RAB10: variants seen among roughly 807,000 people sequenced by gnomAD.
RAB10 encodes the protein RAB10, member RAS oncogene family, also known as ras-related protein Rab-10.
A neutral mutation model predicts 25.7 loss-of-function variants in RAB10; 5 were observed. The observed-to-expected ratio is 0.19, with a 90% CI of 0.10 to 0.41. The LOEUF is 0.41. Ranked by LOEUF, RAB10 falls within the 10% of genes least tolerant of loss-of-function variation. The probability of loss-of-function intolerance (pLI) is 1.00; values close to 1 mark genes in which losing one functional copy is unlikely to be tolerated. For missense variants in RAB10, 103 were observed against 245.8 expected, an observed-to-expected ratio of 0.42 and a Z score of 3.89; for synonymous variants, 89 against 86.4, an observed-to-expected ratio of 1.03 and a Z score of -0.16.
At chr2:26,060,017 T>G (rs1666362362) in intron 1 of RAB10, among the ~76,000 whole-genome samples, 1 of 152,234 alleles carries the variant, frequency 6.6e-6, no homozygotes, top group African/African-American at 2.4e-5. Context: ...GGTCATGTTC[T>G]AAGAACACAT....
intron 1 of RAB10, among the ~76,000 whole-genome samples, chr2:26,080,152 G>A (rs1406685359): frequency 6.6e-6 from 1 of 152,006 alleles, no homozygotes; most frequent in East Asian, 1.9e-4. Context: ...GGCCAGAGCT[G>A]GAATGAAATA....
At chr2:26,123,536 T>C (rs773306426) in intron 3 of RAB10, among the ~76,000 whole-genome samples, 25 of 152,318 alleles carry the variant, frequency 1.6e-4, no homozygotes, top group Non-Finnish European at 3.4e-4. Context: ...GCAGAGCCAG[T>C]CAAGGAATTT....
chr2:26,125,082 A>G (rs1026916438), intron 3 of RAB10, among the ~76,000 whole-genome samples: 18 of 152,304 alleles, frequency 1.2e-4, no homozygotes, highest in Non-Finnish European at 2.6e-4. Flanking sequence ...GTGTACAAAT[A>G]TCTGAGTCCC....
At chr2:26,039,378 C>T (rs1665835323) in intron 1 of RAB10, among the ~76,000 whole-genome samples, 1 of 151,540 alleles carries the variant, frequency 6.6e-6, no homozygotes, top group African/African-American at 2.4e-5. Context: ...TGGAGTATCA[C>T]TGTGTTGCCC....
At chr2:26,078,502 A>G (rs1294938980) in intron 1 of RAB10, among the ~76,000 whole-genome samples, 1 of 152,222 alleles carries the variant, frequency 6.6e-6, no homozygotes, top group Admixed American at 6.5e-5. Flanking sequence ...GAATCCAGAA[A>G]TAAAACTTTA....
At chr2:26,103,706 C>A (rs1667390795) in intron 2 of RAB10, among the ~76,000 whole-genome samples, 1 of 152,112 alleles carries the variant, frequency 6.6e-6, no homozygotes. Context: ...ATTTTTATCT[C>A]CCCTCCAAGG....
At position 26,135,432 on chromosome 2, in the gene RAB10, C is replaced by T. The variant is rs1668091336; in HGVS notation, c.*411C>T. The T allele has an allele frequency of 6.5e-6, 1 of 155,002 alleles. No individual in the cohort carries two copies. Among genetic ancestry groups the T allele is most frequent in the Non-Finnish European group, 1.4e-5 (1 of 69,790 alleles). 9.6% of individuals were successfully genotyped at this position (155,002 alleles called of 1,614,324 possible). A position where few individuals can be genotyped will look rare whatever the true frequency, so the allele number is the denominator to read the frequency against. On this transcript the variant is annotated 3_prime_UTR_variant, in exon 6 of 6. Transcript: ENST00000264710. ...TGTCATGGATAATGTGCTTGAGTCC[C>T]TATAATCTATAGACATGTGATAGCA... is the stretch of plus-strand genomic sequence containing the variant.
intron 1 of RAB10, among the ~76,000 whole-genome samples, chr2:26,036,428 T>C (rs1438972729): frequency 3.3e-5 from 5 of 152,038 alleles, no homozygotes; most frequent in Non-Finnish European, 7.4e-5. Context: ...TGGGAGGCCT[T>C]GGCGGGCGGA....
chr2:26,050,504 G>A (rs6757336), intron 1 of RAB10, among the ~76,000 whole-genome samples: 4,287 of 152,172 alleles, frequency 0.028, 204 homozygotes, highest in African/African-American at 0.099. Flanking sequence ...TACTGGGTGG[G>A]CCTTTCCAGG....
chr2:26,050,533 T>C (rs1315404483), intron 1 of RAB10, among the ~76,000 whole-genome samples: 4 of 152,184 alleles, frequency 2.6e-5, no homozygotes, highest in African/African-American at 7.2e-5. Context: ...ACTTTGTTAA[T>C]TTGTTCTACT....
chr2:26,044,881 C>T (rs1665964480), intron 1 of RAB10, among the ~76,000 whole-genome samples: 2 of 151,982 alleles, frequency 1.3e-5, no homozygotes, highest in African/African-American at 2.4e-5. Context: ...CAATCTTATT[C>T]ATAACCACAT....
chr2:26,071,140 A>T (rs576135506), intron 1 of RAB10, among the ~76,000 whole-genome samples: 1 of 152,188 alleles, frequency 6.6e-6, no homozygotes, highest in Non-Finnish European at 1.5e-5. Flanking sequence ...CTTTGAGCAT[A>T]TATCTTTTTG....
At chr2:26,107,511 C>G (rs958618439) in intron 2 of RAB10, among the ~76,000 whole-genome samples, 36 of 151,592 alleles carry the variant, frequency 2.4e-4, no homozygotes, top group African/African-American at 8.5e-4. Context: ...AACTGACAAT[C>G]CAGGCCAGCC....
chr2:26,044,581 T>C (rs1665955544), intron 1 of RAB10, among the ~76,000 whole-genome samples: 1 of 152,006 alleles, frequency 6.6e-6, no homozygotes, highest in Admixed American at 6.6e-5. Flanking sequence ...GTTTCACTTT[T>C]GTTCCCGAGG....
intron 3 of RAB10, among the ~76,000 whole-genome samples, chr2:26,124,693 C>T (rs1667872884): frequency 6.6e-6 from 1 of 152,032 alleles, no homozygotes; most frequent in Non-Finnish European, 1.5e-5. Context: ...GCAACCGTCA[C>T]CACCATCCAT....
At chr2:26,077,457 T>G (rs1158062234) in intron 1 of RAB10, among the ~76,000 whole-genome samples, 1 of 152,224 alleles carries the variant, frequency 6.6e-6, no homozygotes, top group African/African-American at 2.4e-5. Context: ...TATGAATCTT[T>G]CTAAAATAAT....
chr2:26,078,850 A>T (rs1348244366), intron 1 of RAB10, among the ~76,000 whole-genome samples: 2 of 152,214 alleles, frequency 1.3e-5, no homozygotes, highest in African/African-American at 2.4e-5. Context: ...AATGAACAGC[A>T]TAATCACACT....
At chr2:26,066,869 A>G (rs1666525879) in intron 1 of RAB10, among the ~76,000 whole-genome samples, 1 of 142,834 alleles carries the variant, frequency 7.0e-6, no homozygotes, top group Non-Finnish European at 1.5e-5. Context: ...TGCAGCCTCC[A>G]CCTCCCAGGT....
chr2:26,110,766 C>G (rs899163160), intron 3 of RAB10, among the ~76,000 whole-genome samples: 7 of 151,966 alleles, frequency 4.6e-5, no homozygotes, highest in Admixed American at 4.6e-4. Context: ...AGTGCAGTGG[C>G]ACAATCTTGG....
Sources: allele counts gnomAD v4.1 joint callset (sites outside exome capture counted in the v4.1 genomes callset), GRCh38; gene constraint gnomAD v4.1.1; transcripts MANE v1.5; gene names NCBI Gene and HGNC (gene_info 2026-07-23, HGNC 2026-07-21).